The following CPN1 variants were observed in gnomAD, a reference collection of about 807,000 sequenced individuals.
CPN1 encodes the protein carboxypeptidase N subunit 1.
A neutral mutation model predicts 46.4 loss-of-function variants in CPN1; 37 were observed. That is an observed-to-expected ratio of 0.80 (90% confidence interval 0.61 to 1.05). CPN1 has a LOEUF of 1.05. CPN1 is among the 50% of genes least tolerant of loss of function. The pLI is 0.00. For synonymous variants in CPN1, 224 were observed against 235.4 expected (o/e 0.95, Z 0.44); for missense variants, 563 against 602.6 (o/e 0.93, Z 0.69).
chr10:100,079,650 C>T (rs2041533134), intron 1 of CPN1, among the ~76,000 whole-genome samples: 1 of 152,200 alleles, frequency 6.6e-6, no homozygotes, highest in South Asian at 2.1e-4. Flanking sequence ...TATGAGCCTC[C>T]TCCATGCAAT....
chr10:100,055,731 T>C (rs1038499086), intron 6 of CPN1, among the ~76,000 whole-genome samples: 4 of 152,024 alleles, frequency 2.6e-5, no homozygotes, highest in African/African-American at 9.7e-5. Flanking sequence ...TCCATGTTGG[T>C]CAGGCTGGTC....
intron 7 of CPN1, among the ~76,000 whole-genome samples, chr10:100,053,126 G>T (rs1475921156): frequency 6.6e-6 from 1 of 152,178 alleles, no homozygotes; most frequent in Non-Finnish European, 1.5e-5. Flanking sequence ...TGGCTAATAG[G>T]CTCTGGTTGT....
rs1274993087 is a variant in CPN1 at position 100,063,706 on chromosome 10, T to C, written c.779A>G (p.Tyr260Cys). 6.2e-7 allele frequency: 1 copy of C among 1,613,898 alleles called. No individual in the cohort carries two copies. The highest frequency in any genetic ancestry group is 2.2e-5 in the East Asian group (1 of 44,886). ...LFQKLAKVYS[Y>C]AHGWMFQGWN... ...ACCTTGGAACATCCATCCATGTGCA[T>C]AGGAGTAGACCTTGGCCAGCTAGAG... The change falls in exon 5 of 9, where the codon TAT (tyrosine) becomes TGT (cysteine). Residue 260 changes from tyrosine (Y) to cysteine (C), a missense_variant. Transcript: ENST00000370418.
At chr10:100,079,533 C>T (rs537372795) in intron 1 of CPN1, among the ~76,000 whole-genome samples, 1 of 152,364 alleles carries the variant, frequency 6.6e-6, no homozygotes, top group East Asian at 1.9e-4. Context: ...TCCATGAACA[C>T]TCACGAGCTT....
chr10:100,046,566 A>T (rs2041313436), intron 8 of CPN1, among the ~76,000 whole-genome samples: 1 of 152,060 alleles, frequency 6.6e-6, no homozygotes, highest in Non-Finnish European at 1.5e-5. Flanking sequence ...TGAGGTCAGG[A>T]GTCCAAGACC....
At chr10:100,063,505 T>C in intron 5 of CPN1, 109 bp downstream of exon 5, 1 of 853,982 alleles carries the variant, frequency 1.2e-6, no homozygotes, top group Non-Finnish European at 2.0e-6. Context: ...TCAACTTGAG[T>C]GCAAAATTCT....
chr10:100,074,044 A>C (rs1490654024), intron 2 of CPN1, among the ~76,000 whole-genome samples: 3 of 143,870 alleles, frequency 2.1e-5, no homozygotes, highest in Non-Finnish European at 4.7e-5. Flanking sequence ...TCCCCCCCCC[A>C]CAATACTCCA....
chr10:100,052,044 G>A (rs2041357674), intron 7 of CPN1, among the ~76,000 whole-genome samples: 1 of 151,428 alleles, frequency 6.6e-6, no homozygotes, highest in South Asian at 2.1e-4. Context: ...GAGTAGCTGG[G>A]ACTACAGACC....
chr10:100,061,971 G>T (rs1320189066), intron 5 of CPN1, among the ~76,000 whole-genome samples: 1 of 152,112 alleles, frequency 6.6e-6, no homozygotes, highest in East Asian at 1.9e-4. Flanking sequence ...CTCTCAAAGC[G>T]CTGAGATTAC....
intron 5 of CPN1, among the ~76,000 whole-genome samples, chr10:100,059,428 T>C (rs1297774150): frequency 6.7e-6 from 1 of 148,284 alleles, no homozygotes; most frequent in African/African-American, 2.5e-5. Context: ...CCCAAACAAC[T>C]TGATTTTTTA....
chr10:100,064,188 G>A (rs1049061421), intron 4 of CPN1, among the ~76,000 whole-genome samples: 5 of 152,060 alleles, frequency 3.3e-5, no homozygotes, highest in Admixed American at 2.0e-4. Context: ...GGTGAGAGTC[G>A]TGCGTTGCAG....
At chr10:100,071,059 C>T (rs186527735) in intron 2 of CPN1, among the ~76,000 whole-genome samples, 104 of 152,182 alleles carry the variant, frequency 6.8e-4, no homozygotes, top group African/African-American at 2.5e-3. Flanking sequence ...GGGTTTTTCC[C>T]CCACACTGGG....
Position 100,065,362 on chromosome 10 carries a change from G to T in CPN1, c.585C>A (p.Pro195=), listed in dbSNP as rs760268317. Residue 195 remains proline (P), a synonymous_variant, in exon 4 of 9, where the codon CCC becomes CCA. Coordinates refer to ENST00000370418, the MANE Select transcript of CPN1 (RefSeq NM_001308.3). The part of the protein sequence containing the change: ...LPDNWKSQVE[P]ETRAVIRWMH... ...TCCACCGGATCACCGCCCGGGTCTCGGGTTCCACCTGGGAGGAGGCGAGAG... is the reference window on the plus strand; with the variant it reads ...TCCACCGGATCACCGCCCGGGTCTCTGGTTCCACCTGGGAGGAGGCGAGAG... 1 of 1,614,142 alleles carries T rather than the reference G, an allele frequency of 6.2e-7. No individual in the cohort carries two copies. The highest frequency in any genetic ancestry group is 8.5e-7 in the Non-Finnish European group (1 of 1,180,036).
chr10:100,054,219 T>C (rs1589472235), intron 7 of CPN1, 128 bp downstream of exon 7: 3 of 739,768 alleles, frequency 4.1e-6, no homozygotes, highest in Non-Finnish European at 4.9e-6. Context: ...CTTTCCTCCA[T>C]CCCCCCCACT....
chr10:100,081,305 G>A lies in CPN1; in HGVS notation c.223+98C>T, dbSNP rs2041543367. On this transcript the variant is annotated intron_variant, in intron 1 of 8. Coordinates refer to ENST00000370418, the MANE Select transcript of CPN1 (RefSeq NM_001308.3). ...GAGAAAGAGATAATACCTTGTAGGC[G>A]GAGGCGTCCACGGACCACCCCAGAA... 3 of 993,282 alleles carry A rather than the reference G, an allele frequency of 3.0e-6. No homozygotes were observed. In the Admixed American group the frequency reaches 6.0e-5, roughly 20 times the overall value. The allele number at this position is 993,282 out of a possible 1,614,324, so 61.5% of individuals were successfully genotyped here. A position where few individuals can be genotyped will look rare whatever the true frequency, so the allele number is the denominator to read the frequency against.
chr10:100,049,884 T>G (rs546690024), intron 7 of CPN1, among the ~76,000 whole-genome samples: 1 of 152,268 alleles, frequency 6.6e-6, no homozygotes, highest in Admixed American at 6.5e-5. Flanking sequence ...AAAGGATCAC[T>G]AGGAGAGAGG....
chr10:100,048,564 G>A (rs886947590), intron 8 of CPN1, among the ~76,000 whole-genome samples, 194 bp downstream of exon 8: 3 of 152,068 alleles, frequency 2.0e-5, no homozygotes, highest in African/African-American at 4.8e-5. Context: ...GCATGGTGGT[G>A]TGTGCTTATA....
At chr10:100,068,914 T>G (rs1046785045) in intron 3 of CPN1, among the ~76,000 whole-genome samples, 3 of 152,246 alleles carry the variant, frequency 2.0e-5, no homozygotes, top group Non-Finnish European at 4.4e-5. Flanking sequence ...TATAGAATGC[T>G]TCTGTCCACA....
chr10:100,047,310 AAGG>A (rs1480353139), intron 8 of CPN1, among the ~76,000 whole-genome samples: 4 of 151,934 alleles, frequency 2.6e-5, no homozygotes, highest in South Asian at 4.2e-4. Context: ...GGTCAAGGAG[AAGG>A]AGGAGGAGAA....
Sources: allele counts gnomAD v4.1 joint callset (sites outside exome capture counted in the v4.1 genomes callset), GRCh38; gene constraint gnomAD v4.1.1; transcripts MANE v1.5; gene names NCBI Gene and HGNC (gene_info 2026-07-23, HGNC 2026-07-21).